NLRP11: variants seen among roughly 807,000 people sequenced by gnomAD.
NLRP11 encodes NACHT, LRR and PYD domains-containing protein 11.
A neutral mutation model predicts 79.3 loss-of-function variants in NLRP11; 53 were observed. The observed-to-expected ratio is 0.67, with a 90% CI of 0.54 to 0.84. NLRP11 has a LOEUF of 0.84. Among genes scored for constraint, NLRP11 ranks in the 40% least tolerant of loss-of-function variants. The pLI, the probability that NLRP11 is intolerant of heterozygous loss-of-function variation, is 0.00. For missense variants in NLRP11, 1,264 were observed against 1,255.0 expected (o/e 1.01, Z -0.11); for synonymous variants, 518 against 462.6 (o/e 1.12, Z -1.54).
At chr19:55,828,684 A>G (rs547747469) in intron 1 of NLRP11, among the ~76,000 whole-genome samples, 5 of 152,364 alleles carry the variant, frequency 3.3e-5, no homozygotes, top group Admixed American at 2.0e-4. Flanking sequence ...GCTTTCCATC[A>G]CTATACAAAC....
At chr19:55,798,427 CAT>C (rs1979151180) in intron 5 of NLRP11, 16 of 625,170 alleles carry the variant, frequency 2.6e-5, no homozygotes, top group Non-Finnish European at 2.8e-5. Context: ...CCAAATACCA[CAT>C]GTTCTCACTT....
intron 2 of NLRP11, among the ~76,000 whole-genome samples, chr19:55,813,036 G>A (rs10416118): frequency 0.094 from 14,355 of 152,116 alleles, 970 homozygotes; most frequent in African/African-American, 0.18. Context: ...TTATTAAAAT[G>A]GTAGAGGGTG....
upstream of NLRP11, among the ~76,000 whole-genome samples, chr19:55,834,382 T>C (rs1010499100): frequency 5.3e-5 from 8 of 152,122 alleles, no homozygotes; most frequent in Admixed American, 2.6e-4. Context: ...CTCACAAACA[T>C]GAGAACAATG....
intron 6 of NLRP11, among the ~76,000 whole-genome samples, chr19:55,795,352 T>G (rs1978727635): frequency 1.3e-5 from 2 of 152,120 alleles, no homozygotes; most frequent in Admixed American, 6.5e-5. Context: ...GCTTTCGTCT[T>G]TGTGTTCTCA....
intron 5 of NLRP11, among the ~76,000 whole-genome samples, chr19:55,800,478 T>C (rs1383876951): frequency 6.6e-6 from 1 of 152,100 alleles, no homozygotes; most frequent in Non-Finnish European, 1.5e-5. Context: ...TGGCTAATTT[T>C]TGTATTTTTA....
upstream of NLRP11, among the ~76,000 whole-genome samples, chr19:55,832,262 T>C (rs374501881): frequency 2.2e-4 from 34 of 152,280 alleles, no homozygotes; most frequent in African/African-American, 6.0e-4. Flanking sequence ...TCCAAAACAA[T>C]TGACTTAGGC....
At chr19:55,836,536 C>T (rs914620060), upstream of NLRP11, 3 of 152,320 alleles carry the variant, frequency 2.0e-5, no homozygotes, top group Non-Finnish European at 2.9e-5. Flanking sequence ...AGCCGCCAAT[C>T]ATTAAGGACC....
intron 5 of NLRP11, among the ~76,000 whole-genome samples, chr19:55,796,693 CTT>C (rs58565461): frequency 6.8e-6 from 1 of 147,216 alleles, no homozygotes. Flanking sequence ...TCTCTATTTT[CTT>C]TTTTTTTTTG....
intron 6 of NLRP11, among the ~76,000 whole-genome samples, 164 bp from the exon 7 acceptor site, chr19:55,792,635 C>G (rs1321037711): frequency 6.6e-6 from 1 of 152,210 alleles, no homozygotes; most frequent in African/African-American, 2.4e-5. Context: ...AGAAGTACCC[C>G]AAATAGTGCA....
At position 55,809,265 on chromosome 19, in the gene NLRP11, T is replaced by G. The variant is rs1300329387; in HGVS notation, c.1345A>C (p.Ile449Leu). ...CAAAACTCCTGGACGTTCAAGTGTA[T>G]GAACTTGTAACGGTCTTTATGAGTG... The change falls in exon 3 of 10, where the codon ATA (isoleucine) becomes CTA (leucine). Residue 449 changes from isoleucine to leucine, a missense_variant. By Grantham distance (5) the Ile-to-Leu change is conservative. Coordinates refer to ENST00000589093, the Ensembl canonical transcript of NLRP11. The surrounding 1 kb of genome is among the most constrained non-coding windows in gnomAD (Gnocchi z 4.5). 4.3e-6 allele frequency: 7 copies of G among 1,613,972 alleles called. No individual in the cohort carries two copies. The highest frequency in any genetic ancestry group is 5.9e-6 in the Non-Finnish European group (7 of 1,179,932).
At chr19:55,834,354 A>C (rs1033349072), upstream of NLRP11, among the ~76,000 whole-genome samples, 1 of 152,252 alleles carries the variant, frequency 6.6e-6, no homozygotes, top group African/African-American at 2.4e-5. Flanking sequence ...GGTATTTCAC[A>C]AAAGAGGCAA....
At chr19:55,818,774 G>A (rs1278205379) in intron 1 of NLRP11, among the ~76,000 whole-genome samples, 1 of 152,142 alleles carries the variant, frequency 6.6e-6, no homozygotes, top group Non-Finnish European at 1.5e-5. Flanking sequence ...CTTGTATGCT[G>A]CTGAAAAGAA....
chr19:55,832,367 C>T (rs1256716474), upstream of NLRP11, among the ~76,000 whole-genome samples: 1 of 152,234 alleles, frequency 6.6e-6, no homozygotes, highest in Admixed American at 6.5e-5. Context: ...GTCTAGTCTA[C>T]ATAACCACCT....
chr19:55,819,172 CACACACACACACACACAG>C (rs1374915382), intron 1 of NLRP11, among the ~76,000 whole-genome samples: 4 of 135,308 alleles, frequency 3.0e-5, no homozygotes, highest in African/African-American at 1.1e-4. Context: ...CACACACACA[CACACACACACACACACAG>C]GTTGCCTCTT....
At position 55,824,830 on chromosome 19, in the gene NLRP11, A is replaced by C. The variant is rs1372699974; in HGVS notation, c.-62-6594T>G. Among the ~76,000 whole-genome samples, 2 of 100,670 alleles carry C rather than the reference A, an allele frequency of 2.0e-5. 1 individual carries two copies. Among genetic ancestry groups the C allele is most frequent in the Non-Finnish European group, 3.4e-5 (2 of 58,358 alleles). The allele number at this position is 100,670 out of a possible 152,430, so 66.0% of individuals were successfully genotyped here. A position where few individuals can be genotyped will look rare whatever the true frequency, so the allele number is the denominator to read the frequency against. ...TAATAATGGGAGACGTTAACACCCC[A>C]CTGTCAACATTAGACAGATCAACGA... is the stretch of plus-strand genomic sequence containing the variant. On this transcript the variant is annotated intron_variant, in intron 1 of 9. Coordinates refer to ENST00000589093, the Ensembl canonical transcript of NLRP11.
rs145344101 is a variant in NLRP11 at position 55,816,377 on chromosome 19, G to C, written c.271+1527C>G. On this transcript the variant is annotated intron_variant, in intron 2 of 9. Transcript: ENST00000589093. ...ATCCAACACTGGAGTCCTCAGTTTA[G>C]CTCTAATAATTGCTTTATGTAAGAG... is the stretch of plus-strand genomic sequence containing the variant. Among the ~76,000 whole-genome samples the C allele has an allele frequency of 3.8e-3, 574 of 152,270 alleles. 3 individuals carry two copies. The highest frequency in any genetic ancestry group is 5.6e-3 in the Non-Finnish European group (382 of 68,024).
At chr19:55,796,117 C>T (rs1978827651) in exon 6 of NLRP11, 1 of 1,614,050 alleles carries the variant, frequency 6.2e-7, no homozygotes, top group African/African-American at 1.3e-5. Flanking sequence ...TGAAGCAAGG[C>T]ATCACACAGT....
At chr19:55,802,993 C>T (rs1017202961) in intron 4 of NLRP11, among the ~76,000 whole-genome samples, 1 of 152,146 alleles carries the variant, frequency 6.6e-6, no homozygotes, top group Admixed American at 6.6e-5. Flanking sequence ...ATGCCTTCTT[C>T]ACACCACATA....
chr19:55,824,707 G>A (rs1458793987), intron 1 of NLRP11, among the ~76,000 whole-genome samples: 1 of 106,246 alleles, frequency 9.4e-6, no homozygotes, highest in Admixed American at 9.0e-5. Context: ...AACAAGAAGA[G>A]CTAACTATCC....
Sources: gnomAD v4.1 joint callset for allele counts (sites outside exome capture counted in the v4.1 genomes callset) on GRCh38, gnomAD v4.1.1 for gene constraint, Gnocchi (gnomAD v3.1) non-coding constraint, MANE v1.5 for transcripts, NCBI Gene and HGNC (gene_info 2026-07-23, HGNC 2026-07-21) for gene names.